Variants in CSTF3 observed in about 807,000 individuals in gnomAD.
CSTF3 encodes the protein CF-1 77 kDa subunit.
Under a neutral mutation model 105.8 loss-of-function variants are expected in CSTF3, and 29 were observed. That is an observed-to-expected ratio of 0.27 (90% CI 0.20 to 0.37). The LOEUF is 0.37. Ranked by LOEUF, CSTF3 falls within the 10% of genes least tolerant of loss-of-function variation. The pLI, the probability that CSTF3 is intolerant of heterozygous loss-of-function variation, is 1.00. For synonymous variants in CSTF3, 252 were observed against 281.9 expected (o/e 0.89, Z 1.06); for missense variants, 357 against 879.3 (o/e 0.41, Z 7.51).
chr11:33,110,563 T>C (rs560190531), intron 3 of CSTF3, among the ~76,000 whole-genome samples: 7 of 152,100 alleles, frequency 4.6e-5, no homozygotes, highest in African/African-American at 1.7e-4. Flanking sequence ...CTAGGTGCAG[T>C]TGAGATTATA....
chr11:33,114,056 G>A (rs753260045), intron 3 of CSTF3, among the ~76,000 whole-genome samples: 7 of 152,038 alleles, frequency 4.6e-5, no homozygotes, highest in Admixed American at 3.3e-4. Flanking sequence ...CGTATCTTTT[G>A]GAACTAAAAC....
chr11:33,092,287 GA>G lies in CSTF3; in HGVS notation c.1428del (p.Pro477LeufsTer13). 1 of 1,600,464 alleles carries G rather than the reference GA, an allele frequency of 6.2e-7. No homozygotes were observed. Among genetic ancestry groups the G allele is most frequent in the Non-Finnish European group, 8.5e-7 (1 of 1,174,894 alleles). ...ATGGCTTACCCAGACTTCTCAGGAG[GA>G]AGGCTTCCAGATGTTAAAACTCGTT... ...LFERVLTSGSLPPEKSGEIWA... is the reference protein window; with the variant it reads ...LFERVLTSGSXPPEKSGEIWA... On this transcript the variant is annotated frameshift_variant, in exon 16 of 21. Coordinates refer to ENST00000323959, the MANE Select transcript of CSTF3 (RefSeq NM_001326.3). LOFTEE classifies it high-confidence loss of function.
intron 1 of CSTF3, among the ~76,000 whole-genome samples, chr11:33,147,808 A>T (rs1159942399): frequency 6.6e-6 from 1 of 152,144 alleles, no homozygotes; most frequent in Non-Finnish European, 1.5e-5. Context: ...CCTACAAGGT[A>T]TGAGTTGTCG....
intron 3 of CSTF3, among the ~76,000 whole-genome samples, chr11:33,113,778 A>G (rs1410384036): frequency 6.6e-6 from 1 of 152,130 alleles, no homozygotes; most frequent in East Asian, 1.9e-4. Context: ...GTTAACGGCC[A>G]GGTGCAGTGG....
At chr11:33,140,529 T>C (rs1031298706) in intron 3 of CSTF3, among the ~76,000 whole-genome samples, 1 of 152,028 alleles carries the variant, frequency 6.6e-6, no homozygotes, top group African/African-American at 2.4e-5. Flanking sequence ...ATAGCACAAA[T>C]ACAATGAGTA....
intron 1 of CSTF3, among the ~76,000 whole-genome samples, chr11:33,148,057 T>C (rs889355556): frequency 7.2e-5 from 11 of 152,224 alleles, no homozygotes; most frequent in South Asian, 2.1e-4. Flanking sequence ...TTAGTGTTCA[T>C]AGATATTCTG....
intron 3 of CSTF3, among the ~76,000 whole-genome samples, chr11:33,121,139 T>C (rs1348734899): frequency 6.6e-6 from 1 of 152,028 alleles, no homozygotes; most frequent in East Asian, 1.9e-4. Context: ...ATGTAAAAGA[T>C]GGGAAATTAG....
intron 3 of CSTF3, among the ~76,000 whole-genome samples, chr11:33,123,995 A>G (rs531132215): frequency 3.9e-5 from 6 of 152,254 alleles, no homozygotes; most frequent in African/African-American, 9.6e-5. Flanking sequence ...ACACATATCT[A>G]TATTTTCATC....
chr11:33,144,937 A>C (rs1180658688), intron 1 of CSTF3: 1 of 197,702 alleles, frequency 5.1e-6, no homozygotes, highest in East Asian at 1.8e-4. Context: ...GATTGCCGCC[A>C]CTGCACTCGG....
chr11:33,140,138 TTAAGTC>T (rs1167503855), intron 3 of CSTF3, among the ~76,000 whole-genome samples: 2 of 152,054 alleles, frequency 1.3e-5, no homozygotes, highest in Non-Finnish European at 2.9e-5. Context: ...GCGTTTGAAT[TTAAGTC>T]TAATGTGTTT....
At position 33,084,878 on chromosome 11, in the gene CSTF3, C is replaced by G; in HGVS notation, c.*209G>C. 3.3e-6 allele frequency: 2 copies of G among 606,682 alleles called. No homozygotes were observed. The highest frequency in any genetic ancestry group is 5.8e-6 in the Non-Finnish European group (2 of 346,500). The allele number at this position is 606,682 out of a possible 1,614,324, so 37.6% of individuals were successfully genotyped here. ...TGTACTGTTCTCACATTTTTGAAAA[C>G]CTAATTTTGCTTAGAGCATAGGTCT... On this transcript the variant is annotated 3_prime_UTR_variant, in exon 21 of 21. Transcript: ENST00000323959.
At chr11:33,114,893 G>A (rs1181450931) in intron 3 of CSTF3, among the ~76,000 whole-genome samples, 1 of 151,912 alleles carries the variant, frequency 6.6e-6, no homozygotes, top group East Asian at 1.9e-4. Context: ...TAACTCTATA[G>A]AGGAACACCA....
chr11:33,128,784 T>C (rs901502590), intron 3 of CSTF3, among the ~76,000 whole-genome samples: 1 of 152,318 alleles, frequency 6.6e-6, no homozygotes, highest in South Asian at 2.1e-4. Flanking sequence ...ATTTCTAAAA[T>C]GTAAAAAATT....
At chr11:33,126,874 G>A (rs1171773110) in intron 3 of CSTF3, among the ~76,000 whole-genome samples, 1 of 152,130 alleles carries the variant, frequency 6.6e-6, no homozygotes, top group Non-Finnish European at 1.5e-5. Flanking sequence ...CAGTACATTA[G>A]GTGATGAGTA....
At position 33,085,313 on chromosome 11, in the gene CSTF3, G is replaced by A. The variant is rs200163537; in HGVS notation, c.1952-24C>T. The stretch of plus-strand genomic sequence containing the variant: ...AGCTATTAAAACAAAACAACAAAAC[G>A]TAAAAACATATTCCACTATGAAAGG... On this transcript the variant is annotated intron_variant, in intron 20 of 20. Coordinates refer to ENST00000323959, the MANE Select transcript of CSTF3 (RefSeq NM_001326.3). The A allele has an allele frequency of 6.7e-5, 101 of 1,506,854 alleles. No homozygotes were observed. The African/African-American group carries it at 1.2e-3, about 17-fold the overall frequency. The allele number at this position is 1,506,854 out of a possible 1,614,324, so 93.3% of individuals were successfully genotyped here. A position where few individuals can be genotyped will look rare whatever the true frequency, so the allele number is the denominator to read the frequency against.
intron 1 of CSTF3, among the ~76,000 whole-genome samples, chr11:33,151,738 A>T (rs1849783320): frequency 6.6e-6 from 1 of 152,190 alleles, no homozygotes; most frequent in Non-Finnish European, 1.5e-5. Context: ...TGGAATGGCT[A>T]AGTAATGTGG....
intron 3 of CSTF3, among the ~76,000 whole-genome samples, chr11:33,131,690 CA>C (rs370372992): frequency 9.2e-4 from 134 of 144,946 alleles, no homozygotes; most frequent in African/African-American, 1.5e-3. Flanking sequence ...ACTAAAAATA[CA>C]AAAAAAAAAA....
chr11:33,144,611 T>A (rs1855756619), intron 1 of CSTF3, among the ~76,000 whole-genome samples: 1 of 152,250 alleles, frequency 6.6e-6, no homozygotes, highest in South Asian at 2.1e-4. Context: ...TACTTTACTC[T>A]TTCTGCCCAA....
intron 1 of CSTF3, among the ~76,000 whole-genome samples, chr11:33,160,294 A>G (rs865897595): frequency 1.3e-5 from 2 of 152,324 alleles, no homozygotes; most frequent in African/African-American, 4.8e-5. Flanking sequence ...AGACTATGCA[A>G]TAGAACGCTC....
Sources: allele counts gnomAD v4.1 joint callset (sites outside exome capture counted in the v4.1 genomes callset), GRCh38; gene constraint gnomAD v4.1.1; transcripts MANE v1.5; gene names NCBI Gene and HGNC (gene_info 2026-07-23, HGNC 2026-07-21).